Variants in BICRAL observed in about 807,000 individuals in gnomAD.
BICRAL encodes BICRA like chromatin remodeling complex associated protein, also known as BRD4-interacting chromatin-remodeling complex-associated protein-like.
BICRAL carries 8 observed loss-of-function variants against 91.8 expected under a neutral mutation model. The observed-to-expected ratio is 0.09, with a 90% CI of 0.05 to 0.16. BICRAL has a LOEUF of 0.16. Ranked by LOEUF, BICRAL falls within the 10% of genes least tolerant of loss-of-function variation. BICRAL has a pLI of 1.00. For missense variants in BICRAL, 1,038 were observed against 1,310.9 expected, an observed-to-expected ratio of 0.79 and a Z score of 3.21; for synonymous variants, 445 against 491.1, an observed-to-expected ratio of 0.91 and a Z score of 1.24.
At chr6:42,794,794 CA>C (rs1207429482) in intron 1 of BICRAL, among the ~76,000 whole-genome samples, 10,197 of 95,172 alleles carry the variant, frequency 0.11, 369 homozygotes, top group African/African-American at 0.14. Context: ...ACTAAAAATA[CA>C]AAAAAAAAAA....
At chr6:42,817,671 G>A (rs1764030727) in intron 2 of BICRAL, among the ~76,000 whole-genome samples, 1 of 151,512 alleles carries the variant, frequency 6.6e-6, no homozygotes, top group South Asian at 2.1e-4. Context: ...GTAGAGATTG[G>A]GTCTCACTAC....
chr6:42,812,166 A>G (rs1041404988), intron 2 of BICRAL, among the ~76,000 whole-genome samples: 2 of 152,054 alleles, frequency 1.3e-5, no homozygotes, highest in Non-Finnish European at 2.9e-5. Flanking sequence ...AGAATTAATC[A>G]TTTTTTTTGT....
At chr6:42,848,319 G>A (rs1445024257) in intron 6 of BICRAL, among the ~76,000 whole-genome samples, 2 of 151,776 alleles carry the variant, frequency 1.3e-5, no homozygotes, top group Non-Finnish European at 2.9e-5. Context: ...GGAGGCTGAG[G>A]TGGGATGATG....
intron 1 of BICRAL, among the ~76,000 whole-genome samples, chr6:42,785,132 G>A (rs1277239526): frequency 6.6e-6 from 1 of 151,956 alleles, no homozygotes; most frequent in African/African-American, 2.4e-5. Flanking sequence ...AAAGGTTTAG[G>A]TATCCTAAGA....
rs531022169 is a variant in BICRAL, at chr6:42,828,440, G to A, written c.160-53G>A. ...AAGTAAAAGTAAGATTAATTTTTAT[G>A]CATCCTTTTCAAAGGTTACATATGC... is the stretch of plus-strand genomic sequence containing the variant. On this transcript the variant is annotated intron_variant, in intron 5 of 12. Transcript: ENST00000314073. 161 of 1,379,706 alleles carry A rather than the reference G, an allele frequency of 1.2e-4. No homozygotes were observed. In the African/African-American group the frequency reaches 2.0e-3, roughly 17 times the overall value. The allele number at this position is 1,379,706 out of a possible 1,614,324, so 85.5% of individuals were successfully genotyped here.
intron 6 of BICRAL, among the ~76,000 whole-genome samples, chr6:42,832,303 A>G (rs1764506121): frequency 6.6e-6 from 1 of 150,840 alleles, no homozygotes; most frequent in African/African-American, 2.4e-5. Flanking sequence ...AGCCAAGATC[A>G]TGCCACTGCA....
intron 12 of BICRAL, among the ~76,000 whole-genome samples, 195 bp from the exon 13 acceptor site, chr6:42,864,464 C>T (rs908405076): frequency 7.9e-5 from 12 of 152,342 alleles, no homozygotes; most frequent in African/African-American, 2.9e-4. Flanking sequence ...GAAGCTGGGG[C>T]TCCACAGCCT....
intron 1 of BICRAL, among the ~76,000 whole-genome samples, chr6:42,787,916 CAA>C (rs1333476688): frequency 6.8e-6 from 1 of 146,022 alleles, no homozygotes; most frequent in African/African-American, 2.5e-5. Flanking sequence ...TTTTTTAAGA[CAA>C]GATGTCACTC....
Position 42,864,816 on chromosome 6 carries a change from G to A in BICRAL, c.2610G>A (p.Thr870=), listed in dbSNP as rs763563460. 1.9e-5 allele frequency: 30 copies of A among 1,614,028 alleles called. No individual in the cohort carries two copies. Among genetic ancestry groups the A allele is most frequent in the Middle Eastern group, 1.6e-4 (1 of 6,084 alleles). Residue 870 remains threonine (T), a synonymous_variant, in exon 13 of 13, where the codon ACG becomes ACA. Transcript: ENST00000314073. ...GAGACCGAGCCAAAACCGGTGTGACGGAACCCATGAATCATGACCAGTTTC... is the reference window on the plus strand; with the variant it reads ...GAGACCGAGCCAAAACCGGTGTGACAGAACCCATGAATCATGACCAGTTTC... ...QGRDRAKTGV[T]EPMNHDQFHL...
intron 1 of BICRAL, among the ~76,000 whole-genome samples, chr6:42,783,853 C>G (rs553261853): frequency 6.6e-6 from 1 of 152,362 alleles, no homozygotes; most frequent in African/African-American, 2.4e-5. Flanking sequence ...CATTTTCTCT[C>G]CTGCGGTCTG....
intron 12 of BICRAL, among the ~76,000 whole-genome samples, chr6:42,863,524 T>C (rs776404622): frequency 1.3e-5 from 2 of 152,182 alleles, no homozygotes; most frequent in East Asian, 1.9e-4. Context: ...TCTAAAGGGA[T>C]TGAAGTGCTT....
In BICRAL at chr6:42,829,900, C is replaced by A. The variant is rs1025334504; in HGVS notation, c.1567C>A (p.Pro523Thr). The A allele has an allele frequency of 6.2e-7, 1 of 1,614,110 alleles. No homozygotes were observed. The highest frequency in any genetic ancestry group is 2.2e-5 in the East Asian group (1 of 44,888). ...PGQSSVSQGR[P>T]GFATMPSVTS... ...GCAGAGCAGCGTTTCCCAAGGAAGA[C>A]CTGGCTTCGCCACCATGCCATCGGT... is the stretch of plus-strand genomic sequence containing the variant. Residue 523 changes from proline to threonine, a missense_variant, in exon 6 of 13, where the codon CCT becomes ACT. Transcript: ENST00000314073.
At chr6:42,747,942 C>T in intron 1 of BICRAL, among the ~76,000 whole-genome samples, 1 of 151,490 alleles carries the variant, frequency 6.6e-6, no homozygotes, top group East Asian at 1.9e-4. Flanking sequence ...GTAGCTGGGA[C>T]TACAGGCATG....
chr6:42,824,220 A>G (rs190430448), intron 5 of BICRAL, among the ~76,000 whole-genome samples: 1 of 151,064 alleles, frequency 6.6e-6, no homozygotes, highest in East Asian at 1.9e-4. Context: ...ACATAGGGAG[A>G]CTCTGTCTCA....
chr6:42,830,949 A>C (rs1171785047), intron 6 of BICRAL, among the ~76,000 whole-genome samples: 1 of 152,146 alleles, frequency 6.6e-6, no homozygotes, highest in East Asian at 1.9e-4. Flanking sequence ...AGCATTGTAG[A>C]GTGGAGACTC....
chr6:42,823,502 A>G (rs1484737018), intron 5 of BICRAL, among the ~76,000 whole-genome samples: 1 of 152,206 alleles, frequency 6.6e-6, no homozygotes, highest in Admixed American at 6.5e-5. Flanking sequence ...AAGACAAGCT[A>G]TGTGGCCAGG....
chr6:42,823,863 G>A (rs1764214169), intron 5 of BICRAL, among the ~76,000 whole-genome samples: 1 of 151,968 alleles, frequency 6.6e-6, no homozygotes, highest in Admixed American at 6.6e-5. Flanking sequence ...GGCAAAGGAT[G>A]CAGTGAGCCG....
At chr6:42,820,422 T>G (rs779036628) in intron 2 of BICRAL, among the ~76,000 whole-genome samples, 1 of 152,204 alleles carries the variant, frequency 6.6e-6, no homozygotes, top group Non-Finnish European at 1.5e-5. Flanking sequence ...ATGATTATGA[T>G]GCCTGAGAGA....
intron 5 of BICRAL, among the ~76,000 whole-genome samples, chr6:42,827,990 T>C (rs1175041072): frequency 6.6e-6 from 1 of 152,204 alleles, no homozygotes; most frequent in Non-Finnish European, 1.5e-5. Context: ...TATAAAATAA[T>C]TTATCAGCAT....
Sources: allele counts gnomAD v4.1 joint callset (sites outside exome capture counted in the v4.1 genomes callset), GRCh38; gene constraint gnomAD v4.1.1; transcripts MANE v1.5; gene names NCBI Gene and HGNC (gene_info 2026-07-23, HGNC 2026-07-21).